The following KCNAB1 variants were observed in gnomAD, a reference collection of about 807,000 sequenced individuals.
KCNAB1 encodes voltage-gated potassium channel subunit beta-1.
A neutral mutation model predicts 64.6 loss-of-function variants in KCNAB1; 35 were observed. The observed-to-expected ratio is 0.54, with a 90% confidence interval of 0.41 to 0.72. The LOEUF is 0.72. Among genes scored for constraint, KCNAB1 ranks in the 30% least tolerant of loss-of-function variants. The probability of loss-of-function intolerance (pLI) is 0.00; values close to 1 mark genes in which losing one functional copy is unlikely to be tolerated. For synonymous variants in KCNAB1, 177 were observed against 183.8 expected, an observed-to-expected ratio of 0.96 and a Z score of 0.30; for missense variants, 401 against 512.9, an observed-to-expected ratio of 0.78 and a Z score of 2.11.
At chr3:156,323,425 G>C (rs535710485) in intron 1 of KCNAB1, among the ~76,000 whole-genome samples, 150 of 152,070 alleles carry the variant, frequency 9.9e-4, no homozygotes, top group Non-Finnish European at 1.6e-3. Flanking sequence ...CATCCCAGTA[G>C]AACTCTATGT....
chr3:156,365,669 C>A (rs1725902887), intron 1 of KCNAB1, among the ~76,000 whole-genome samples: 1 of 152,118 alleles, frequency 6.6e-6, no homozygotes, highest in Admixed American at 6.5e-5. Flanking sequence ...GATTTGGGGA[C>A]AAATCAAACC....
intron 2 of KCNAB1, among the ~76,000 whole-genome samples, chr3:156,438,453 A>G (rs907147594): frequency 6.6e-6 from 1 of 152,226 alleles, no homozygotes; most frequent in African/African-American, 2.4e-5. Flanking sequence ...AATAATCCAT[A>G]ATAAGTAATA....
intron 1 of KCNAB1, among the ~76,000 whole-genome samples, chr3:156,383,082 C>T (rs1191191066): frequency 6.6e-6 from 1 of 152,126 alleles, no homozygotes. Context: ...ACTGGCCATC[C>T]GATGGGAAAA....
At chr3:156,362,733 T>G (rs544166097) in intron 1 of KCNAB1, among the ~76,000 whole-genome samples, 1 of 152,308 alleles carries the variant, frequency 6.6e-6, no homozygotes, top group South Asian at 2.1e-4. Flanking sequence ...GAAGGGAAAG[T>G]TGTATTCTCT....
At chr3:156,242,584 CT>C (rs1316806345) in intron 1 of KCNAB1, among the ~76,000 whole-genome samples, 3 of 151,572 alleles carry the variant, frequency 2.0e-5, no homozygotes, top group South Asian at 4.2e-4. Context: ...TTCTTTAATT[CT>C]TCTATTGAGC....
At chr3:156,287,789 A>T (rs1223111115) in intron 1 of KCNAB1, among the ~76,000 whole-genome samples, 1 of 149,844 alleles carries the variant, frequency 6.7e-6, no homozygotes, top group South Asian at 2.2e-4. Flanking sequence ...GCAGAGTGAG[A>T]CTCCATCTTA....
chr3:156,527,152 A>G (rs1372814420), intron 12 of KCNAB1, among the ~76,000 whole-genome samples: 1 of 152,184 alleles, frequency 6.6e-6, no homozygotes, highest in East Asian at 1.9e-4. Context: ...ATAAAATAAA[A>G]TCAAACAATG....
chr3:156,480,603 A>T (rs1714721366), intron 8 of KCNAB1, among the ~76,000 whole-genome samples: 1 of 152,062 alleles, frequency 6.6e-6, no homozygotes, highest in African/African-American at 2.4e-5. Flanking sequence ...AATGTGATAT[A>T]TCAAAACTTA....
At chr3:156,454,721 G>A (rs545778064) in intron 3 of KCNAB1, among the ~76,000 whole-genome samples, 58 of 152,300 alleles carry the variant, frequency 3.8e-4, no homozygotes, top group Admixed American at 2.2e-3. Context: ...GAGGCCTACA[G>A]TTAATAATCC....
chr3:156,508,347 G>T lies in KCNAB1; in HGVS notation c.659-6017G>T, dbSNP rs140401555. Among the ~76,000 whole-genome samples, 31 of 152,038 alleles carry T rather than the reference G, an allele frequency of 2.0e-4. No homozygotes were observed. The highest frequency in any genetic ancestry group is 7.5e-4 in the African/African-American group (31 of 41,466). On this transcript the variant is annotated intron_variant, in intron 8 of 13. Transcript: ENST00000490337. This position sits in a 1 kb window ranked among gnomAD's most constrained non-coding sequence, Gnocchi z 4.1. ...TTTATCTTTACCCCTATGGCTTATTGTTCATGCAGTACAACTATTTGCTTA... is the reference window on the plus strand; with the variant it reads ...TTTATCTTTACCCCTATGGCTTATTTTTCATGCAGTACAACTATTTGCTTA...
chr3:156,334,436 T>A (rs1723548129), intron 1 of KCNAB1, among the ~76,000 whole-genome samples: 2 of 150,366 alleles, frequency 1.3e-5, no homozygotes, highest in Non-Finnish European at 1.5e-5. Flanking sequence ...CGGATCTTAC[T>A]TGCAGAATGC....
intron 7 of KCNAB1, among the ~76,000 whole-genome samples, chr3:156,473,456 T>C (rs1714095955): frequency 6.6e-6 from 1 of 152,180 alleles, no homozygotes; most frequent in Non-Finnish European, 1.5e-5. Context: ...TACTTTTTCA[T>C]GTTAATTTAA....
At chr3:156,169,295 TG>T (rs2108322616) in intron 1 of KCNAB1, among the ~76,000 whole-genome samples, 1 of 152,240 alleles carries the variant, frequency 6.6e-6, no homozygotes, top group South Asian at 2.1e-4. Flanking sequence ...CTTAGGAAAA[TG>T]GCAAAATAAT....
At chr3:156,386,419 C>G (rs534838472) in intron 1 of KCNAB1, among the ~76,000 whole-genome samples, 2 of 152,298 alleles carry the variant, frequency 1.3e-5, no homozygotes, top group South Asian at 2.1e-4. Flanking sequence ...CTTGGAAGGT[C>G]GTTCTCTGCC....
chr3:156,529,247 T>G (rs1718528003), intron 12 of KCNAB1, among the ~76,000 whole-genome samples: 3 of 152,130 alleles, frequency 2.0e-5, no homozygotes, highest in Non-Finnish European at 4.4e-5. Flanking sequence ...GACCACCTAT[T>G]GTATGATTCC....
chr3:156,342,786 AGGAACATT>A (rs1281124580), intron 1 of KCNAB1, among the ~76,000 whole-genome samples: 4 of 151,952 alleles, frequency 2.6e-5, no homozygotes, highest in Admixed American at 2.6e-4. Context: ...ACCAGGGCTG[AGGAACATT>A]GGGATTGATT....
chr3:156,120,290 C>T (rs911128696), upstream of KCNAB1, among the ~76,000 whole-genome samples: 5 of 152,186 alleles, frequency 3.3e-5, no homozygotes, highest in Non-Finnish European at 4.4e-5. Flanking sequence ...AGAGTTGTCA[C>T]TATTAAATAA....
chr3:156,325,705 C>T (rs1475664659), intron 1 of KCNAB1, among the ~76,000 whole-genome samples: 1 of 151,944 alleles, frequency 6.6e-6, no homozygotes, highest in Admixed American at 6.6e-5. Context: ...GTAATCCCAT[C>T]TCTTAGGGAG....
chr3:156,139,021 A>G (rs1714539610), intron 1 of KCNAB1, among the ~76,000 whole-genome samples: 1 of 152,178 alleles, frequency 6.6e-6, no homozygotes, highest in Non-Finnish European at 1.5e-5. Flanking sequence ...TAAATATCCT[A>G]AAAAGAATAT....
Sources: allele counts gnomAD v4.1 joint callset (sites outside exome capture counted in the v4.1 genomes callset), GRCh38; gene constraint gnomAD v4.1.1; non-coding constraint Gnocchi (gnomAD v3.1); transcripts MANE v1.5; gene names NCBI Gene and HGNC (gene_info 2026-07-23, HGNC 2026-07-21).